The following SOCS7 variants were observed in gnomAD, a reference collection of about 807,000 sequenced individuals.
SOCS7 encodes NAP-4.
In SOCS7, 18 loss-of-function variants were observed where a neutral mutation model predicts 58.9. That is an observed-to-expected ratio of 0.31 (90% CI 0.21 to 0.45). The LOEUF is 0.45. SOCS7 is among the 20% of genes least tolerant of loss of function. The pLI is 1.00. For missense variants in SOCS7, 667 were observed against 837.3 expected, an observed-to-expected ratio of 0.80 and a Z score of 2.51; for synonymous variants, 388 against 364.3, an observed-to-expected ratio of 1.06 and a Z score of -0.74.
At chr17:38,394,809 G>C (rs924259225) in intron 7 of SOCS7, among the ~76,000 whole-genome samples, 24 of 152,194 alleles carry the variant, frequency 1.6e-4, no homozygotes, top group African/African-American at 5.8e-4. Context: ...TAGCACTTTG[G>C]GAGGCTGAGG....
intron 7 of SOCS7, among the ~76,000 whole-genome samples, chr17:38,386,492 C>T (rs1209636713): frequency 1.3e-5 from 2 of 151,846 alleles, no homozygotes; most frequent in African/African-American, 4.8e-5. Flanking sequence ...AGGCTTGATC[C>T]TTTTAGCAAG....
intron 1 of SOCS7, among the ~76,000 whole-genome samples, chr17:38,354,099 T>C (rs1280661606): frequency 6.6e-6 from 1 of 152,240 alleles, no homozygotes; most frequent in East Asian, 1.9e-4. Flanking sequence ...CGGCATCCAG[T>C]GTTACATCTG....
chr17:38,395,963 A>G lies in SOCS7; in HGVS notation c.1933A>G (p.Thr645Ala), dbSNP rs747499302. 3 of 1,604,240 alleles carry G rather than the reference A, an allele frequency of 1.9e-6. No individual in the cohort carries two copies. The highest frequency in any genetic ancestry group is 1.3e-5 in the African/African-American group (1 of 74,338). ...ACAGAAGCAAGAGGTGGAACCCTCC[A>G]CGTAGCGAGGGGCTCCCTGCTGGTC... ...SKQKQEVEPS[T>A] Residue 645 changes from threonine (T) to alanine (A), a missense_variant, in exon 9 of 10, where the codon ACG becomes GCG. Thr to Ala is a moderately conservative substitution (Grantham distance 58, BLOSUM62 0). Transcript: ENST00000612932.
At chr17:38,384,304 T>TTTGTA (rs1048509558) in intron 7 of SOCS7, among the ~76,000 whole-genome samples, 3 of 152,122 alleles carry the variant, frequency 2.0e-5, no homozygotes, top group Admixed American at 2.0e-4. Context: ...ATACTTTTGT[T>TTTGTA]TTGTTTTGTT....
chr17:38,380,852 CTG>C (rs1297528351), intron 7 of SOCS7, among the ~76,000 whole-genome samples: 1 of 151,938 alleles, frequency 6.6e-6, no homozygotes, highest in East Asian at 1.9e-4. Flanking sequence ...GAGGGAGACT[CTG>C]TCTCCAAAAA....
chr17:38,353,129 G>A, intron 1 of SOCS7, 97 bp downstream of exon 1: 1 of 1,191,612 alleles, frequency 8.4e-7, no homozygotes, highest in Non-Finnish European at 1.1e-6. Context: ...CTTAAGATAG[G>A]GTCTTCAGGA....
intron 9 of SOCS7, among the ~76,000 whole-genome samples, chr17:38,397,819 G>A (rs983482335): frequency 1.3e-5 from 2 of 152,208 alleles, no homozygotes; most frequent in African/African-American, 4.8e-5. Flanking sequence ...ACAGTGTTGT[G>A]AGGAAAGTAA....
intron 1 of SOCS7, among the ~76,000 whole-genome samples, chr17:38,360,829 G>A (rs141617608): frequency 6.2e-4 from 94 of 152,304 alleles, no homozygotes; most frequent in African/African-American, 2.2e-3. Flanking sequence ...ATGAGCCACC[G>A]CACCCGGCCA....
At chr17:38,353,813 C>T (rs1014490866) in intron 1 of SOCS7, among the ~76,000 whole-genome samples, 2 of 152,188 alleles carry the variant, frequency 1.3e-5, no homozygotes, top group African/African-American at 4.8e-5. Flanking sequence ...GTGGTCCCAG[C>T]TACTCGGGAG....
intron 5 of SOCS7, 152 bp downstream of exon 5, chr17:38,366,569 A>C (rs2037792822): frequency 1.1e-6 from 1 of 931,326 alleles, no homozygotes; most frequent in African/African-American, 1.7e-5. Flanking sequence ...ATCATAGCTC[A>C]CTGTAGGCTC....
intron 6 of SOCS7, among the ~76,000 whole-genome samples, chr17:38,368,371 C>G (rs8068600): frequency 0.18 from 27,628 of 152,138 alleles, 2,956 homozygotes; most frequent in East Asian, 0.43. Flanking sequence ...AAGAAAGAAC[C>G]TAGGACCATT....
chr17:38,354,828 G>A (rs994871037), intron 1 of SOCS7, among the ~76,000 whole-genome samples: 2 of 152,146 alleles, frequency 1.3e-5, no homozygotes, highest in African/African-American at 4.8e-5. Flanking sequence ...TTCCAGAGAC[G>A]CCAAATACGA....
chr17:38,393,914 C>G (rs111885413), intron 7 of SOCS7, among the ~76,000 whole-genome samples: 1 of 152,230 alleles, frequency 6.6e-6, no homozygotes, highest in African/African-American at 2.4e-5. Context: ...AACAAACAAA[C>G]AAACAAAAAA....
Position 38,377,753 on chromosome 17 carries a change from G to A in SOCS7, c.1592G>A (p.Arg531His), listed in dbSNP as rs751915429. 5.8e-5 allele frequency: 93 copies of A among 1,612,438 alleles called. No homozygotes were observed. Among genetic ancestry groups the A allele is most frequent in the East Asian group, 8.9e-5 (4 of 44,842 alleles). ...TGGTGTCATCCCAAGTTTGAGGACC[G>A]CTGTCAATCTGTTGTAGAGTTTATT... ...SLWCHPKFED[R>H]CQSVVEFIKR... The change falls in exon 7 of 10, where the codon CGC (arginine) becomes CAC (histidine). Residue 531 changes from arginine (R) to histidine (H), a missense_variant. This residue lies in a region of SOCS7 where 76 missense variants were observed against 194.5 expected (regional missense o/e 0.39). Coordinates refer to ENST00000612932, the MANE Select transcript of SOCS7 (RefSeq NM_014598.4).
chr17:38,397,722 C>T (rs2038263054), intron 9 of SOCS7, among the ~76,000 whole-genome samples: 1 of 152,006 alleles, frequency 6.6e-6, no homozygotes, highest in Admixed American at 6.5e-5. Context: ...AAAGCAAAGG[C>T]CCTGTTTTCA....
chr17:38,397,743 C>T (rs1448021245), intron 9 of SOCS7, among the ~76,000 whole-genome samples: 1 of 152,200 alleles, frequency 6.6e-6, no homozygotes, highest in Admixed American at 6.5e-5. Flanking sequence ...CTCAGCTTCC[C>T]TTCTCCTAAG....
Position 38,367,963 on chromosome 17 carries a change from C to T in SOCS7, c.1465C>T (p.Arg489Ter). 2 of 1,614,028 alleles carry T rather than the reference C, an allele frequency of 1.2e-6. No homozygotes were observed. Among genetic ancestry groups the T allele is most frequent in the Non-Finnish European group, 1.7e-6 (2 of 1,179,952 alleles). The stretch of plus-strand genomic sequence containing the variant: ...GAAACCAGATGGTTCTTTCCTGGTA[C>T]GAGACAGTTCTGATCCTCGTTACAT... Reference protein sequence around the residue: ...KGKPDGSFLVRDSSDPRYILS... With the variant: ...KGKPDGSFLV The change falls in exon 6 of 10, where the codon CGA becomes TGA. Residue 489 changes from arginine to a stop codon, truncating the protein, a stop_gained. Transcript: ENST00000612932. LOFTEE classifies it high-confidence loss of function.
Position 38,352,982 on chromosome 17 carries a change from G to A in SOCS7, c.930G>A (p.Ala310=). Residue 310 remains alanine, a synonymous_variant, in exon 1 of 10, where the codon GCG becomes GCA. Transcript: ENST00000612932. This position sits in a 1 kb window ranked among gnomAD's most constrained non-coding sequence, Gnocchi z 5.5. ...RPSGELAASA[A]SLTDMGGSAG... is the part of the protein sequence containing the mutation. ...CTGGAGAGCTGGCTGCTTCAGCTGC[G>A]AGCCTGACAGACATGGGAGGCTCTG... is the stretch of plus-strand genomic sequence containing the variant. 1 of 1,606,114 alleles carries A rather than the reference G, an allele frequency of 6.2e-7. No homozygotes were observed. Among genetic ancestry groups the A allele is most frequent in the Non-Finnish European group, 8.5e-7 (1 of 1,177,986 alleles).
chr17:38,370,712 C>T lies in SOCS7; in HGVS notation c.1552+2662C>T, dbSNP rs138121910. On this transcript the variant is annotated intron_variant, in intron 6 of 9. Transcript: ENST00000612932. Reference sequence around the variant, plus strand: ...TCGCCCAGGCTAGAGTGCAATGGCGCGATCTCAGCTCAGTGTCAACCTCTG... The same window carrying T: ...TCGCCCAGGCTAGAGTGCAATGGCGTGATCTCAGCTCAGTGTCAACCTCTG... 1.0e-2 allele frequency among the ~76,000 whole-genome samples: 1,511 copies of T among 151,270 alleles called. 20 individuals carry two copies. Among genetic ancestry groups the T allele is most frequent in the African/African-American group, 0.033 (1,376 of 41,144 alleles).
Sources: allele counts gnomAD v4.1 joint callset (sites outside exome capture counted in the v4.1 genomes callset), GRCh38; gene constraint gnomAD v4.1.1; regional missense constraint gnomAD v4.1.1; non-coding constraint Gnocchi (gnomAD v3.1); transcripts MANE v1.5; gene names NCBI Gene and HGNC (gene_info 2026-07-23, HGNC 2026-07-21).